Variants in PRSS23 observed in about 807,000 individuals in gnomAD.
PRSS23 encodes protease, serine 23.
Under a neutral mutation model 34.7 loss-of-function variants are expected in PRSS23, and 25 were observed. The ratio of observed to expected loss-of-function variants is 0.72; its 90% confidence interval spans 0.53 to 1.01. The LOEUF is 1.01. Ranked by LOEUF, PRSS23 falls within the 50% of genes least tolerant of loss-of-function variation. The probability of loss-of-function intolerance (pLI) is 0.00; values close to 1 mark genes in which losing one functional copy is unlikely to be tolerated. For missense variants in PRSS23, 445 were observed against 475.6 expected (o/e 0.94, Z 0.60); for synonymous variants, 176 against 186.6 (o/e 0.94, Z 0.46).
chr11:86,937,304 T>C (rs1464191175), intron 2 of PRSS23: 10 of 152,240 alleles, frequency 6.6e-5, no homozygotes. Flanking sequence ...GTAGACTCTC[T>C]GCCTTAGCCC....
At chr11:86,876,186 T>C (rs1217325202) in intron 2 of PRSS23, among the ~76,000 whole-genome samples, 2 of 125,130 alleles carry the variant, frequency 1.6e-5, no homozygotes, top group Non-Finnish European at 3.2e-5. Context: ...GCGGGTGAGA[T>C]ATAAAAAGAA....
At chr11:86,824,531 A>G (rs1345401023) in intron 2 of PRSS23, among the ~76,000 whole-genome samples, 2 of 150,184 alleles carry the variant, frequency 1.3e-5, no homozygotes, top group African/African-American at 4.9e-5. Context: ...CACAATGTGC[A>G]GGTTAGTTAC....
At chr11:86,843,706 C>T (rs953877519) in intron 2 of PRSS23, among the ~76,000 whole-genome samples, 2 of 152,266 alleles carry the variant, frequency 1.3e-5, no homozygotes, top group African/African-American at 4.8e-5. Context: ...CAAATCAAAA[C>T]TACAATGAGA....
chr11:86,890,445 C>T (rs1202779500), intron 2 of PRSS23, among the ~76,000 whole-genome samples: 1 of 152,116 alleles, frequency 6.6e-6, no homozygotes, highest in African/African-American at 2.4e-5. Flanking sequence ...ATAATAATTG[C>T]TTAAATTGTA....
At position 86,873,804 on chromosome 11, in the gene PRSS23, G is replaced by A. The variant is rs567918007; in HGVS notation, c.206+50211G>A. Among the ~76,000 whole-genome samples, 30 of 152,280 alleles carry A rather than the reference G, an allele frequency of 2.0e-4. 1 individual carries two copies. In the South Asian group the frequency reaches 5.6e-3, roughly 28 times the overall value. ...CAATCTGTAGAGCAAGAGAATGAAC[G>A]GACGGAACATGAGAGGCATAAAAGA... On this transcript the variant is annotated intron_variant, in intron 2 of 2. Transcript: ENST00000533902.
intron 2 of PRSS23, among the ~76,000 whole-genome samples, chr11:86,858,950 C>T (rs762988341): frequency 2.6e-5 from 4 of 151,038 alleles, no homozygotes; most frequent in Non-Finnish European, 5.9e-5. Flanking sequence ...AGAGGCAGTA[C>T]ACCTCACCTG....
chr11:86,945,170 G>A (rs1233843841), intron 2 of PRSS23, among the ~76,000 whole-genome samples: 1 of 151,010 alleles, frequency 6.6e-6, no homozygotes, highest in Admixed American at 6.6e-5. Context: ...TGTGACATAT[G>A]CCCATGTCTA....
chr11:86,835,968 C>T (rs565586169), intron 2 of PRSS23, among the ~76,000 whole-genome samples: 73 of 152,248 alleles, frequency 4.8e-4, no homozygotes, highest in Middle Eastern at 6.8e-3. Context: ...TGAACCCTTT[C>T]GGTAAAACAG....
chr11:86,843,305 C>T (rs1948461991), intron 2 of PRSS23, among the ~76,000 whole-genome samples: 3 of 152,014 alleles, frequency 2.0e-5, no homozygotes, highest in Admixed American at 2.0e-4. Flanking sequence ...TAAGACCTAA[C>T]ACCATAAAAA....
At chr11:86,832,844 G>A (rs1948370712) in intron 2 of PRSS23, 2 of 303,592 alleles carry the variant, frequency 6.6e-6, no homozygotes, top group Non-Finnish European at 1.3e-5. Context: ...ACCAAATATG[G>A]CAGCAAGGAA....
At chr11:86,880,981 C>T (rs1948768843) in intron 2 of PRSS23, among the ~76,000 whole-genome samples, 1 of 152,154 alleles carries the variant, frequency 6.6e-6, no homozygotes, top group Non-Finnish European at 1.5e-5. Flanking sequence ...ATGATGTCAT[C>T]CATTAACAGA....
intron 2 of PRSS23, among the ~76,000 whole-genome samples, chr11:86,885,908 C>T (rs1948799275): frequency 6.6e-6 from 1 of 152,190 alleles, no homozygotes; most frequent in South Asian, 2.1e-4. Context: ...ATCAACTTCT[C>T]TAAAGGCTGA....
At chr11:86,895,456 G>GTATTTA (rs1948867898) in intron 2 of PRSS23, among the ~76,000 whole-genome samples, 1 of 125,866 alleles carries the variant, frequency 7.9e-6, no homozygotes, top group Admixed American at 7.7e-5. Flanking sequence ...ATTTTTTACT[G>GTATTTA]TATTTATCCT....
chr11:86,824,234 G>A (rs1464540611), intron 2 of PRSS23, among the ~76,000 whole-genome samples: 1 of 151,028 alleles, frequency 6.6e-6, no homozygotes, highest in African/African-American at 2.4e-5. Context: ...CTTGAGCCTG[G>A]GAGGTGGAGA....
At chr11:86,945,373 A>T (rs1462520139) in intron 2 of PRSS23, among the ~76,000 whole-genome samples, 1 of 152,028 alleles carries the variant, frequency 6.6e-6, no homozygotes, top group Non-Finnish European at 1.5e-5. Context: ...CCAAAAAAAA[A>T]AAAAAGAGGT....
chr11:86,894,213 T>A (rs1231288883), intron 2 of PRSS23, among the ~76,000 whole-genome samples: 2 of 152,282 alleles, frequency 1.3e-5, no homozygotes, highest in East Asian at 3.9e-4. Context: ...TTTCACCATG[T>A]TGTCCAAGCT....
chr11:86,951,889 T>A (rs2135040961), exon 3 of PRSS23: 1 of 1,613,748 alleles, frequency 6.2e-7, no homozygotes, highest in Non-Finnish European at 8.5e-7. Flanking sequence ...TGAGAACAGG[T>A]TCTGCTGCCT....
chr11:86,805,317 C>T (rs188053218), intron 1 of PRSS23, among the ~76,000 whole-genome samples: 4 of 152,284 alleles, frequency 2.6e-5, no homozygotes, highest in African/African-American at 9.6e-5. Context: ...AAAGGGTTGT[C>T]ATCACCACAC....
intron 2 of PRSS23, among the ~76,000 whole-genome samples, chr11:86,878,184 C>T (rs948084160): frequency 2.7e-5 from 4 of 147,418 alleles, no homozygotes; most frequent in Non-Finnish European, 4.4e-5. Flanking sequence ...TAAAAATACA[C>T]TTGAGAAAAA....
Sources: allele counts gnomAD v4.1 joint callset (sites outside exome capture counted in the v4.1 genomes callset), GRCh38; gene constraint gnomAD v4.1.1; transcripts MANE v1.5; gene names NCBI Gene and HGNC (gene_info 2026-07-23, HGNC 2026-07-21).